PIEZO2: variants seen among roughly 807,000 people sequenced by gnomAD.
PIEZO2 encodes the protein piezo-type mechanosensitive ion channel component 2.
In PIEZO2, 172 loss-of-function variants were observed where a neutral mutation model predicts 337.3. The ratio of observed to expected loss-of-function variants is 0.51; its 90% CI spans 0.45 to 0.58. The LOEUF is 0.58. PIEZO2 is among the 20% of genes least tolerant of loss of function. PIEZO2 has a pLI of 0.00. For synonymous variants in PIEZO2, 1,251 were observed against 1,228.5 expected, an observed-to-expected ratio of 1.02 and a Z score of -0.38; for missense variants, 3,028 against 3,391.3, an observed-to-expected ratio of 0.89 and a Z score of 2.66.
intron 7 of PIEZO2, among the ~76,000 whole-genome samples, chr18:10,842,498 T>C (rs1327594510): frequency 6.6e-6 from 1 of 152,204 alleles, no homozygotes; most frequent in East Asian, 1.9e-4. Flanking sequence ...ACTTTCTCTG[T>C]TGTTTTCTTG....
chr18:10,857,045 G>T lies in PIEZO2; in HGVS notation c.659C>A (p.Thr220Asn), dbSNP rs1488162769. The T allele has an allele frequency of 6.5e-7, 1 of 1,537,350 alleles. No individual in the cohort carries two copies. The highest frequency in any genetic ancestry group is 1.2e-5 in the South Asian group (1 of 84,064). ...KLKEFIGNMITTAGKVVVTIL... is the reference protein window; with the variant it reads ...KLKEFIGNMINTAGKVVVTIL... ...GGTAACAACGACTTTCCCAGCAGTG[G>T]TGATCATGTTGCCAATGAACTCCTT... The change falls in exon 6 of 56, where the codon ACC becomes AAC. Residue 220 changes from threonine to asparagine, a missense_variant. Transcript: ENST00000674853.
Position 10,672,643 on chromosome 18 carries a change from T to C in PIEZO2, c.8345+47A>G. On this transcript the variant is annotated intron_variant, in intron 55 of 55. Transcript: ENST00000674853. The surrounding 1 kb of genome is among the most constrained non-coding windows in gnomAD (Gnocchi z 4.7). ...GCTTCCCACTCTCAACTTTACATGA[T>C]ACAGAAGTAGACTCTTGTAACTGTG... The C allele has an allele frequency of 6.3e-7, 1 of 1,576,190 alleles. No homozygotes were observed. The highest frequency in any genetic ancestry group is 2.0e-5 in the Admixed American group (1 of 50,168).
intron 21 of PIEZO2, chr18:10,763,389 G>A (rs890422196): frequency 2.9e-6 from 1 of 342,890 alleles, no homozygotes; most frequent in Non-Finnish European, 5.3e-6. Context: ...AGAGCGCCCA[G>A]AAGGGTCCTT....
chr18:10,716,130 C>G lies in PIEZO2; in HGVS notation c.5090-314G>C, dbSNP rs1354079026. 6.6e-6 allele frequency among the ~76,000 whole-genome samples: 1 copy of G among 152,128 alleles called. No individual in the cohort carries two copies. Among genetic ancestry groups the G allele is most frequent in the African/African-American group, 2.4e-5 (1 of 41,428 alleles). On this transcript the variant is annotated intron_variant, in intron 37 of 55. Transcript: ENST00000674853. The surrounding 1 kb of genome is among the most constrained non-coding windows in gnomAD (Gnocchi z 4.1). ...TTGGACAGCGTGGATCCACTCTACG[C>G]GTGGATTGTTTTCAGTAAAAGTTAC... is the stretch of plus-strand genomic sequence containing the variant.
chr18:11,075,429 A>G (rs1165160366), intron 1 of PIEZO2, among the ~76,000 whole-genome samples: 1 of 152,236 alleles, frequency 6.6e-6, no homozygotes, highest in Non-Finnish European at 1.5e-5. Context: ...ATTGTCTATC[A>G]GTGTAGAATT....
chr18:11,123,006 C>A (rs1421901346), intron 1 of PIEZO2, among the ~76,000 whole-genome samples: 1 of 151,358 alleles, frequency 6.6e-6, no homozygotes, highest in African/African-American at 2.4e-5. Flanking sequence ...GGCTTTTTCC[C>A]AAAAGTAAGC....
At chr18:10,932,057 T>C (rs1389855180) in intron 3 of PIEZO2, among the ~76,000 whole-genome samples, 4 of 152,202 alleles carry the variant, frequency 2.6e-5, no homozygotes, top group African/African-American at 7.2e-5. Context: ...ACTAAAAATG[T>C]CTTCTGAAAA....
chr18:10,836,218 C>G (rs979756056), intron 7 of PIEZO2, among the ~76,000 whole-genome samples: 3 of 152,170 alleles, frequency 2.0e-5, no homozygotes, highest in African/African-American at 7.2e-5. Flanking sequence ...TCCCCCTTGA[C>G]TGATGATTCC....
chr18:11,022,315 AAAT>A (rs1271656974), intron 2 of PIEZO2, among the ~76,000 whole-genome samples: 2 of 152,212 alleles, frequency 1.3e-5, no homozygotes. Context: ...AGTGAACTCA[AAAT>A]AATTTACACT....
rs2038685000 is a variant in PIEZO2 at position 10,773,693 on chromosome 18, C to T, written c.2568-64G>A. On this transcript the variant is annotated intron_variant, in intron 19 of 55. Transcript: ENST00000674853. This position sits in a 1 kb window ranked among gnomAD's most constrained non-coding sequence, Gnocchi z 5.3. ...TGTTGGGAGAGATTTGACTGAGGGG[C>T]AAGTAAAAGGAGGATAAACACAAAT... 4 of 1,428,694 alleles carry T rather than the reference C, an allele frequency of 2.8e-6. No individual in the cohort carries two copies. The highest frequency in any genetic ancestry group is 3.8e-6 in the Non-Finnish European group (4 of 1,050,526). The allele number at this position is 1,428,694 out of a possible 1,614,324, so 88.5% of individuals were successfully genotyped here. A position where few individuals can be genotyped will look rare whatever the true frequency, so the allele number is the denominator to read the frequency against.
intron 36 of PIEZO2, 142 bp downstream of exon 36, chr18:10,731,265 A>G (rs966317532): frequency 1.9e-5 from 8 of 416,350 alleles, no homozygotes; most frequent in East Asian, 1.9e-4. Context: ...GAAATGACCA[A>G]TTAGGACAAA....
intron 49 of PIEZO2, among the ~76,000 whole-genome samples, chr18:10,684,492 A>T (rs1241482398): frequency 2.8e-5 from 3 of 108,706 alleles, no homozygotes; most frequent in Non-Finnish European, 3.6e-5. Flanking sequence ...TTCTTGATGG[A>T]GTCTTGCTGT....
At position 10,847,405 on chromosome 18, in the gene PIEZO2, C is replaced by T. The variant is rs532460178; in HGVS notation, c.917+7948G>A. Among the ~76,000 whole-genome samples, 3 of 152,238 alleles carry T rather than the reference C, an allele frequency of 2.0e-5. No homozygotes were observed. The highest frequency in any genetic ancestry group is 3.9e-4 in the East Asian group (2 of 5,182). ...GTGGGCAAAAGGAGAGAAATCTGGC[C>T]CAGAACACTTAATCCAGGCTGAGAG... On this transcript the variant is annotated intron_variant, in intron 7 of 55. Transcript: ENST00000674853. This position sits in a 1 kb window ranked among gnomAD's most constrained non-coding sequence, Gnocchi z 5.7.
Position 10,759,383 on chromosome 18 carries a change from C to G in PIEZO2, c.3757+99G>C, listed in dbSNP as rs2038024224. The G allele has an allele frequency of 3.0e-6, 3 of 987,092 alleles. No individual in the cohort carries two copies. Among genetic ancestry groups the G allele is most frequent in the Non-Finnish European group, 4.5e-6 (3 of 659,878 alleles). The allele number at this position is 987,092 out of a possible 1,614,324, so 61.1% of individuals were successfully genotyped here. On this transcript the variant is annotated intron_variant, in intron 26 of 55. Coordinates refer to ENST00000674853, the MANE Select transcript of PIEZO2 (RefSeq NM_001378183.1). The surrounding 1 kb of genome is among the most constrained non-coding windows in gnomAD (Gnocchi z 5.5). ...ACAAGCCTTTACATGATTACGAAGT[C>G]TAGTGGAAGACAAAAGGCACTAATG...
chr18:10,748,499 T>C lies in PIEZO2; in HGVS notation c.4396A>G (p.Ile1466Val), dbSNP rs948492916. 2 of 1,537,158 alleles carry C rather than the reference T, an allele frequency of 1.3e-6. No homozygotes were observed. The highest frequency in any genetic ancestry group is 4.9e-5 in the East Asian group (2 of 40,916). Residue 1466 changes from isoleucine (I) to valine (V), a missense_variant, in exon 30 of 56, where the codon ATA becomes GTA. Ile to Val is a conservative substitution (Grantham distance 29). Coordinates refer to ENST00000674853, the MANE Select transcript of PIEZO2 (RefSeq NM_001378183.1). The surrounding 1 kb of genome is among the most constrained non-coding windows in gnomAD (Gnocchi z 5.1). ...SYYFLHVVADIKASQILASRG... is the reference protein window; with the variant it reads ...SYYFLHVVADVKASQILASRG... ...GATGCCAGAATCTGGGAAGCTTTTA[T>C]ATCAGCCACAACATGTAGAAAATAA...
At chr18:10,761,163 A>C in intron 23 of PIEZO2, 52 bp from the exon 24 acceptor site, 3 of 1,430,290 alleles carry the variant, frequency 2.1e-6, no homozygotes, top group Non-Finnish European at 2.9e-6. Flanking sequence ...ATGATTTGGT[A>C]ATTTCAAGCA....
intron 4 of PIEZO2, among the ~76,000 whole-genome samples, chr18:10,897,836 T>C (rs1284112138): frequency 6.6e-6 from 1 of 152,246 alleles, no homozygotes; most frequent in Non-Finnish European, 1.5e-5. Context: ...TTTTATGTAA[T>C]ACAATAATTT....
intron 1 of PIEZO2, among the ~76,000 whole-genome samples, chr18:11,135,797 A>G (rs535799167): frequency 4.0e-4 from 61 of 152,258 alleles, no homozygotes; most frequent in African/African-American, 1.4e-3. Context: ...CCGCCCACCT[A>G]GGCCTGCAAA....
chr18:10,881,372 A>C (rs1035241543), intron 4 of PIEZO2, among the ~76,000 whole-genome samples: 2 of 152,146 alleles, frequency 1.3e-5, no homozygotes, highest in Non-Finnish European at 2.9e-5. Context: ...TATTCTCCTA[A>C]AAGGGTATAC....
Sources: allele counts gnomAD v4.1 joint callset (sites outside exome capture counted in the v4.1 genomes callset), GRCh38; gene constraint gnomAD v4.1.1; non-coding constraint Gnocchi (gnomAD v3.1); transcripts MANE v1.5; gene names NCBI Gene and HGNC (gene_info 2026-07-23, HGNC 2026-07-21).